The following FAM107B variants were observed in gnomAD, a reference collection of about 807,000 sequenced individuals.
FAM107B encodes family with sequence similarity 107 member B.
FAM107B carries 21 observed loss-of-function variants against 31.5 expected under a neutral mutation model. The ratio of observed to expected loss-of-function variants is 0.67; its 90% CI spans 0.47 to 0.96. The LOEUF (loss-of-function observed/expected upper bound fraction) is 0.96. Ranked by LOEUF, FAM107B falls within the 40% of genes least tolerant of loss-of-function variation. The probability of loss-of-function intolerance (pLI) is 0.00; values close to 1 mark genes in which losing one functional copy is unlikely to be tolerated. For synonymous variants in FAM107B, 157 were observed against 141.5 expected, an observed-to-expected ratio of 1.11 and a Z score of -0.78; for missense variants, 452 against 377.1, an observed-to-expected ratio of 1.20 and a Z score of -1.64.
At chr10:14,767,592 G>C (rs1564296232) in intron 1 of FAM107B, among the ~76,000 whole-genome samples, 1 of 151,314 alleles carries the variant, frequency 6.6e-6, no homozygotes, top group African/African-American at 2.4e-5. Flanking sequence ...CAATTGATGT[G>C]AAAAAAAATT....
In FAM107B at chr10:14,671,905, C is replaced by CAAAA. The variant is rs1564621080; in HGVS notation, c.412-4215_412-4214insTTTT. Among the ~76,000 whole-genome samples the CAAAA allele has an allele frequency of 4.4e-3, 609 of 137,652 alleles. 24 individuals are homozygous for CAAAA. The highest frequency in any genetic ancestry group is 0.017 in the African/African-American group (576 of 34,530). 90.3% of individuals were successfully genotyped at this position (137,652 alleles called of 152,430 possible). On this transcript the variant is annotated intron_variant, in intron 1 of 4. Transcript: ENST00000181796. Reference sequence around the variant, plus strand: ...AAAAACAAAAAAACAAAAAAAAAACCCTCTATTTCTTTTTAAATCAAACTG... The same window carrying CAAAA: ...AAAAACAAAAAAACAAAAAAAAAACCAAAACTCTATTTCTTTTTAAATCAAACTG...
intron 1 of FAM107B, among the ~76,000 whole-genome samples, chr10:14,726,575 T>TC (rs1365286700): frequency 2.0e-5 from 3 of 152,110 alleles, no homozygotes; most frequent in African/African-American, 7.2e-5. Context: ...ATGTCATGCT[T>TC]CCCCCTGGAA....
chr10:14,685,721 C>T (rs1005026237), intron 1 of FAM107B, among the ~76,000 whole-genome samples: 1 of 152,124 alleles, frequency 6.6e-6, no homozygotes, highest in Non-Finnish European at 1.5e-5. Context: ...TGTAAGAATC[C>T]TGGAGGTTAC....
intron 3 of FAM107B, among the ~76,000 whole-genome samples, chr10:14,526,001 G>A (rs1846186694): frequency 6.6e-6 from 1 of 152,168 alleles, no homozygotes; most frequent in African/African-American, 2.4e-5. Context: ...CCTGAACTCT[G>A]TGTACCTATA....
rs888686715 is a variant in FAM107B, at chr10:14,557,387, T to C, written c.470-26872A>G. ...AATTGTGCATGGAGAAAAGATGCAG[T>C]CTATAAACATTTTTATTTGTACTAA... On this transcript the variant is annotated intron_variant, in intron 2 of 4. Transcript: ENST00000181796. 4.7e-4 allele frequency among the ~76,000 whole-genome samples: 72 copies of C among 152,204 alleles called. 1 individual carries two copies.
At chr10:14,538,914 C>A (rs1260432959) in intron 2 of FAM107B, among the ~76,000 whole-genome samples, 1 of 152,190 alleles carries the variant, frequency 6.6e-6, no homozygotes, top group Non-Finnish European at 1.5e-5. Flanking sequence ...AATTATTTAA[C>A]CTGAGTCTTG....
At chr10:14,576,623 G>A (rs184692676) in intron 2 of FAM107B, among the ~76,000 whole-genome samples, 2 of 152,268 alleles carry the variant, frequency 1.3e-5, no homozygotes, top group African/African-American at 4.8e-5. Context: ...TGTACTATGT[G>A]ATATTAGTAA....
At chr10:14,753,682 T>A (rs1280347110) in intron 1 of FAM107B, among the ~76,000 whole-genome samples, 68 of 152,236 alleles carry the variant, frequency 4.5e-4, no homozygotes, top group Non-Finnish European at 4.4e-5. Context: ...TTTCCATGAC[T>A]GACTTTTGTT....
rs201255942 is a variant in FAM107B, at chr10:14,708,244, A to AT, written c.412-40554dup. Among the ~76,000 whole-genome samples, 9 of 151,844 alleles carry AT rather than the reference A, an allele frequency of 5.9e-5. No individual in the cohort carries two copies. The South Asian group carries it at 8.4e-4, about 14-fold the overall frequency. ...AGGTGCCTGGCACCACACCTGGCTAATTTTTTTTTAATTTTTATTAGAGAT... is the reference window on the plus strand; with the variant it reads ...AGGTGCCTGGCACCACACCTGGCTAATTTTTTTTTTAATTTTTATTAGAGAT... On this transcript the variant is annotated intron_variant, in intron 1 of 4. Coordinates refer to ENST00000181796, the MANE Select transcript of FAM107B (RefSeq NM_031453.4).
chr10:14,653,158 G>A (rs149500164), intron 2 of FAM107B, among the ~76,000 whole-genome samples: 66 of 152,274 alleles, frequency 4.3e-4, no homozygotes, highest in African/African-American at 1.4e-3. Flanking sequence ...CCACTGCCAC[G>A]GTATTTACAA....
At chr10:14,647,871 C>T (rs547985146) in intron 2 of FAM107B, among the ~76,000 whole-genome samples, 1 of 152,016 alleles carries the variant, frequency 6.6e-6, no homozygotes, top group East Asian at 1.9e-4. Context: ...GGTAAACACC[C>T]TCTAATATTG....
chr10:14,663,472 T>A (rs777871638), intron 2 of FAM107B: 3 of 152,184 alleles, frequency 2.0e-5, no homozygotes, highest in Non-Finnish European at 4.4e-5. Context: ...ATTGGGTGCG[T>A]TCAGGGTGGT....
intron 1 of FAM107B, among the ~76,000 whole-genome samples, chr10:14,684,326 C>T (rs1020561702): frequency 2.0e-5 from 3 of 152,132 alleles, no homozygotes; most frequent in African/African-American, 7.2e-5. Context: ...GTGGTGCACA[C>T]CTGTAGTCCC....
chr10:14,625,259 C>CGTGT (rs55688523), intron 2 of FAM107B, among the ~76,000 whole-genome samples: 1,736 of 146,272 alleles, frequency 0.012, 29 homozygotes, highest in African/African-American at 0.039. Context: ...CGTGTGCGTG[C>CGTGT]GTGTGTGTGT....
intron 2 of FAM107B, among the ~76,000 whole-genome samples, chr10:14,581,440 G>C (rs1851632806): frequency 6.6e-6 from 1 of 152,194 alleles, no homozygotes; most frequent in African/African-American, 2.4e-5. Context: ...GTTGATTCAA[G>C]TGTCAGAGTT....
intron 1 of FAM107B, among the ~76,000 whole-genome samples, chr10:14,682,906 A>T (rs1854873507): frequency 6.6e-6 from 1 of 151,964 alleles, no homozygotes; most frequent in Admixed American, 6.6e-5. Flanking sequence ...AAAAAAGAAA[A>T]ATAAATAAAT....
At chr10:14,653,901 CA>C (rs917482614) in intron 2 of FAM107B, 1 of 152,144 alleles carries the variant, frequency 6.6e-6, no homozygotes, top group African/African-American at 2.4e-5. Context: ...GACAAACAAG[CA>C]AAAACACAAC....
Position 14,556,414 on chromosome 10 carries a change from G to A in FAM107B, c.470-25899C>T, listed in dbSNP as rs1162205646. 8 of 985,318 alleles carry A rather than the reference G, an allele frequency of 8.1e-6. No individual in the cohort carries two copies. In the Admixed American group the frequency reaches 4.9e-4, roughly 61 times the overall value. The allele number at this position is 985,318 out of a possible 1,614,324, so 61.0% of individuals were successfully genotyped here. A position where few individuals can be genotyped will look rare whatever the true frequency, so the allele number is the denominator to read the frequency against. ...TGACCAGGATTCTCTGGCTGAAAAA[G>A]GAAATACACCAGTCAGCACTCAGCA... On this transcript the variant is annotated intron_variant, in intron 2 of 4. Coordinates refer to ENST00000181796, the MANE Select transcript of FAM107B (RefSeq NM_031453.4).
chr10:14,656,257 G>A (rs562861876), intron 2 of FAM107B, among the ~76,000 whole-genome samples: 6 of 152,314 alleles, frequency 3.9e-5, no homozygotes, highest in African/African-American at 1.4e-4. Flanking sequence ...CCGAACCAGT[G>A]TGGGGCATGG....
Sources: allele counts gnomAD v4.1 joint callset (sites outside exome capture counted in the v4.1 genomes callset), GRCh38; gene constraint gnomAD v4.1.1; transcripts MANE v1.5; gene names NCBI Gene and HGNC (gene_info 2026-07-23, HGNC 2026-07-21).